The following ANO4 variants were observed in gnomAD, a reference collection of about 807,000 sequenced individuals.
ANO4 encodes the protein anoctamin-4.
In ANO4, 69 loss-of-function variants were observed where a neutral mutation model predicts 141.9. The ratio of observed to expected loss-of-function variants is 0.49; its 90% CI spans 0.40 to 0.59. The LOEUF is 0.59. Among genes scored for constraint, ANO4 ranks in the 20% least tolerant of loss-of-function variants. ANO4 has a pLI of 0.00. For missense variants in ANO4, 894 were observed against 1,162.2 expected (o/e 0.77, Z 3.36); for synonymous variants, 350 against 394.3 (o/e 0.89, Z 1.33).
chr12:101,062,591 A>C (rs2048397144), intron 14 of ANO4, among the ~76,000 whole-genome samples: 1 of 152,094 alleles, frequency 6.6e-6, no homozygotes, highest in South Asian at 2.1e-4. Context: ...CCCAGGGAGG[A>C]GGAATCTAGA....
At chr12:100,891,434 C>T (rs981983091) in intron 1 of ANO4, among the ~76,000 whole-genome samples, 4 of 152,130 alleles carry the variant, frequency 2.6e-5, no homozygotes, top group African/African-American at 4.8e-5. Context: ...TTTGTATTTC[C>T]ACCAGCAGTG....
chr12:101,061,075 G>A (rs958281646), intron 14 of ANO4, among the ~76,000 whole-genome samples: 1 of 152,110 alleles, frequency 6.6e-6, no homozygotes, highest in African/African-American at 2.4e-5. Context: ...GGCCAGCCTG[G>A]TGGTGACAAA....
At chr12:100,763,781 C>T (rs185293893) in intron 3 of ANO4, among the ~76,000 whole-genome samples, 1 of 152,314 alleles carries the variant, frequency 6.6e-6, no homozygotes, top group Admixed American at 6.5e-5. Context: ...ATCTATCAAT[C>T]CTTCTTTATT....
In ANO4 at chr12:100,956,743, CGTTCGCT is replaced by C. The variant is rs768014012; in HGVS notation, c.456+14219_456+14225del. ...TTATAAAAGGGTAACCTGTTACAGGCGTTCGCTGTTCGCTGTTGCTTCTGATTGTTCA... is the reference window on the plus strand; with the variant it reads ...TTATAAAAGGGTAACCTGTTACAGGCGTTCGCTGTTGCTTCTGATTGTTCA... On this transcript the variant is annotated intron_variant, in intron 5 of 27. Coordinates refer to ENST00000392977, the MANE Select transcript of ANO4 (RefSeq NM_001286615.2). 3.9e-5 allele frequency among the ~76,000 whole-genome samples: 6 copies of C among 152,298 alleles called. No homozygotes were observed. The South Asian group carries it at 1.2e-3, about 32-fold the overall frequency.
chr12:100,766,113 A>G (rs567501982), intron 3 of ANO4, among the ~76,000 whole-genome samples: 72 of 152,256 alleles, frequency 4.7e-4, no homozygotes, highest in African/African-American at 1.6e-3. Context: ...AAGTAAGATC[A>G]TGCAGTATTT....
At chr12:101,081,723 T>C (rs1404220503) in intron 15 of ANO4, among the ~76,000 whole-genome samples, 4 of 152,144 alleles carry the variant, frequency 2.6e-5, no homozygotes, top group Non-Finnish European at 5.9e-5. Flanking sequence ...AGGCTAGAAG[T>C]CCAAGCCAAG....
rs76520830 is a variant in ANO4 at position 100,889,177 on chromosome 12, G to A, written c.-140-12469G>A. On this transcript the variant is annotated intron_variant, in intron 1 of 27. Coordinates refer to ENST00000392977, the MANE Select transcript of ANO4 (RefSeq NM_001286615.2). The stretch of plus-strand genomic sequence containing the variant: ...TAGTTTACTGAGAATGATGATTTCC[G>A]ATTTCATCCATGTCCCTACAAAGGA... Among the ~76,000 whole-genome samples the A allele has an allele frequency of 1.4e-4, 21 of 151,774 alleles. No individual in the cohort carries two copies. In the South Asian group the frequency reaches 1.5e-3, roughly 11 times the overall value.
At chr12:100,964,504 T>C (rs7974164) in intron 5 of ANO4, among the ~76,000 whole-genome samples, 29,785 of 152,050 alleles carry the variant, frequency 0.2, 3,137 homozygotes, top group East Asian at 0.3. Context: ...GAGTTTCCAA[T>C]TAGAAATTAA....
chr12:100,820,991 T>TC (rs2036019755), intron 1 of ANO4, among the ~76,000 whole-genome samples: 1 of 152,008 alleles, frequency 6.6e-6, no homozygotes, highest in South Asian at 2.1e-4. Flanking sequence ...GGAACTGATT[T>TC]CCCTTGCACT....
chr12:100,882,989 C>G lies in ANO4; in HGVS notation c.-140-18657C>G, dbSNP rs112154451. Among the ~76,000 whole-genome samples the G allele has an allele frequency of 8.3e-3, 1,261 of 152,276 alleles. 21 individuals carry two copies. Among genetic ancestry groups the G allele is most frequent in the African/African-American group, 0.029 (1,190 of 41,542 alleles). ...TTGCTGGGATTACAGGTGTGAGCCA[C>G]CGCACCCAGCTGGAGCTCTGTTTAT... On this transcript the variant is annotated intron_variant, in intron 1 of 27. Transcript: ENST00000392977.
rs1593207232 is a variant in ANO4 at position 101,077,627 on chromosome 12, A to G, written c.1313-1566A>G. Among the ~76,000 whole-genome samples the G allele has an allele frequency of 3.9e-5, 6 of 152,362 alleles. 1 individual carries two copies. Among genetic ancestry groups the G allele is most frequent in the Admixed American group, 3.9e-4 (6 of 15,304 alleles). ...CTTTCAGATTTTAGGAAGGCACTGA[A>G]TATACCATATATTATTAAATGCCCC... On this transcript the variant is annotated intron_variant, in intron 14 of 27. Coordinates refer to ENST00000392977, the MANE Select transcript of ANO4 (RefSeq NM_001286615.2).
chr12:100,825,210 T>G (rs2135750800), intron 1 of ANO4, among the ~76,000 whole-genome samples: 1 of 152,122 alleles, frequency 6.6e-6, no homozygotes, highest in East Asian at 1.9e-4. Context: ...GGAAGGAAAA[T>G]TAATAATTAG....
intron 1 of ANO4, among the ~76,000 whole-genome samples, chr12:100,797,009 A>T (rs2034368209): frequency 6.6e-6 from 1 of 152,150 alleles, no homozygotes; most frequent in African/African-American, 2.4e-5. Flanking sequence ...CATTTTAATT[A>T]GTAGCAACTT....
intron 1 of ANO4, among the ~76,000 whole-genome samples, chr12:100,731,985 C>T (rs950653439): frequency 6.6e-6 from 1 of 152,122 alleles, no homozygotes; most frequent in Non-Finnish European, 1.5e-5. Context: ...CATTCCTCTA[C>T]GGAAGGACAT....
intron 9 of ANO4, among the ~76,000 whole-genome samples, chr12:101,025,994 T>G (rs1164052160): frequency 6.6e-6 from 1 of 152,164 alleles, no homozygotes; most frequent in Non-Finnish European, 1.5e-5. Flanking sequence ...AGACTGAATA[T>G]TTTCCTCCCA....
At chr12:100,917,061 T>C (rs1049424961) in intron 2 of ANO4, among the ~76,000 whole-genome samples, 24 of 152,134 alleles carry the variant, frequency 1.6e-4, no homozygotes, top group African/African-American at 5.3e-4. Flanking sequence ...AGACTTTTTA[T>C]TAAATGTAAA....
chr12:100,822,546 C>T (rs1448645646), intron 1 of ANO4, among the ~76,000 whole-genome samples: 1 of 151,936 alleles, frequency 6.6e-6, no homozygotes, highest in African/African-American at 2.4e-5. Context: ...TACACACACG[C>T]ACAGGGCGAG....
intron 1 of ANO4, among the ~76,000 whole-genome samples, chr12:100,869,044 A>G (rs1382388540): frequency 6.6e-6 from 1 of 152,200 alleles, no homozygotes; most frequent in African/African-American, 2.4e-5. Flanking sequence ...AACACAGACT[A>G]CCCTTGAGTC....
At chr12:101,075,780 G>A (rs2049002078) in intron 14 of ANO4, among the ~76,000 whole-genome samples, 1 of 150,182 alleles carries the variant, frequency 6.7e-6, no homozygotes, top group South Asian at 2.1e-4. Context: ...ACCTTTGAAG[G>A]AGACAAGAAA....
Sources: allele counts gnomAD v4.1 joint callset (sites outside exome capture counted in the v4.1 genomes callset), GRCh38; gene constraint gnomAD v4.1.1; transcripts MANE v1.5; gene names NCBI Gene and HGNC (gene_info 2026-07-23, HGNC 2026-07-21).